The following DPRX variants were observed in gnomAD, a reference collection of about 807,000 sequenced individuals.
DPRX encodes the protein divergent-paired related homeobox.
A neutral mutation model predicts 8.4 loss-of-function variants in DPRX; 11 were observed. The ratio of observed to expected loss-of-function variants is 1.31; its 90% CI spans 0.82 to 2.17. The LOEUF is 2.17. Among genes scored for constraint, DPRX ranks in the 30% most tolerant of loss-of-function variants. DPRX has a pLI of 0.00. For synonymous variants in DPRX, 72 were observed against 87.0 expected, an observed-to-expected ratio of 0.83 and a Z score of 0.96; for missense variants, 211 against 236.7, an observed-to-expected ratio of 0.89 and a Z score of 0.71.
At chr19:53,636,727 C>T (rs2091114107) in exon 3 of DPRX, 1 of 1,614,166 alleles carries the variant, frequency 6.2e-7, no homozygotes, top group South Asian at 1.1e-5. Flanking sequence ...GAAATGCAGA[C>T]ACACTACCCA....
upstream of DPRX, chr19:53,629,582 A>T (rs1395675564): frequency 6.6e-6 from 1 of 151,010 alleles, no homozygotes; most frequent in African/African-American, 2.4e-5. Context: ...GAAAAGATAA[A>T]TCCAGAGAAA....
chr19:53,621,844 G>A, the DPRX span, among the ~76,000 whole-genome samples: 33 of 152,152 alleles, frequency 2.2e-4, no homozygotes, highest in East Asian at 5.8e-3. Flanking sequence ...TCTTAGGCAC[G>A]CATTTGTAGG....
chr19:53,629,880 G>A (rs1048826217), upstream of DPRX: 12 of 151,458 alleles, frequency 7.9e-5, no homozygotes, highest in African/African-American at 2.2e-4. Context: ...AAGAAGTGGG[G>A]AAATGGTCTA....
At chr19:53,633,749 C>T (rs757258245) in intron 1 of DPRX, among the ~76,000 whole-genome samples, 3 of 152,048 alleles carry the variant, frequency 2.0e-5, no homozygotes, top group Non-Finnish European at 2.9e-5. Flanking sequence ...ACCTCATGAT[C>T]CGCCCGCCTT....
chr19:53,605,584 C>T, the DPRX span, among the ~76,000 whole-genome samples: 1 of 152,030 alleles, frequency 6.6e-6, no homozygotes, highest in Non-Finnish European at 1.5e-5. Flanking sequence ...CTGCCTTGGC[C>T]TCCCAAAGTA....
the DPRX span, chr19:53,602,267 G>GGTGTGT: frequency 0.014 from 3,781 of 277,138 alleles, 34 homozygotes; most frequent in East Asian, 0.023. Flanking sequence ...TATGGGTATG[G>GGTGTGT]GTGTGTGTGT....
At chr19:53,602,391 C>T in the DPRX span, among the ~76,000 whole-genome samples, 1 of 149,766 alleles carries the variant, frequency 6.7e-6, no homozygotes, top group African/African-American at 2.5e-5. Flanking sequence ...TGCAGTTTCA[C>T]TCTTGTTGCC....
At chr19:53,601,186 C>T in the DPRX span, 11 of 451,042 alleles carry the variant, frequency 2.4e-5, no homozygotes, top group Non-Finnish European at 4.9e-5. Context: ...TAGCCTGAGA[C>T]AGCTATAGGG....
At chr19:53,620,545 G>A in the DPRX span, among the ~76,000 whole-genome samples, 1 of 151,154 alleles carries the variant, frequency 6.6e-6, no homozygotes, top group Admixed American at 6.6e-5. Flanking sequence ...TGCATTTTTT[G>A]GTAGAGATGG....
At chr19:53,633,635 G>T (rs910622930) in intron 1 of DPRX, among the ~76,000 whole-genome samples, 2 of 152,018 alleles carry the variant, frequency 1.3e-5, no homozygotes, top group Non-Finnish European at 2.9e-5. Flanking sequence ...TCAGCCTCCC[G>T]AGTAGCTGGG....
the DPRX span, among the ~76,000 whole-genome samples, chr19:53,612,471 C>T: frequency 6.6e-6 from 1 of 152,258 alleles, no homozygotes; most frequent in East Asian, 1.9e-4. Flanking sequence ...CTTTGGGAGG[C>T]CGAGGCAGGT....
chr19:53,604,423 A>G, the DPRX span: 56,647 of 152,062 alleles, frequency 0.37, 12,321 homozygotes, highest in African/African-American at 0.6. Context: ...GAACAGAAAA[A>G]GCCACCAAGG....
the DPRX span, among the ~76,000 whole-genome samples, chr19:53,613,513 A>G: frequency 6.7e-6 from 1 of 148,550 alleles, no homozygotes; most frequent in South Asian, 2.1e-4. Flanking sequence ...ATGCCCCGCT[A>G]ATTTTTTTTT....
At position 53,632,438 on chromosome 19, in the gene DPRX, T is replaced by C. The variant is rs539461678; in HGVS notation, c.28+304T>C. 6.4e-3 allele frequency among the ~76,000 whole-genome samples: 965 copies of C among 151,292 alleles called. 20 individuals are homozygous for C. The highest frequency in any genetic ancestry group is 0.023 in the African/African-American group (929 of 41,198). ...GCCTCAGCCTCCCGAGTAGCTGGGA[T>C]GACAGGCACACGCCACCACACCTGG... is the stretch of plus-strand genomic sequence containing the variant. On this transcript the variant is annotated intron_variant, in intron 1 of 2. Transcript: ENST00000376650.
chr19:53,617,376 T>G, the DPRX span: 1 of 453,082 alleles, frequency 2.2e-6, no homozygotes, highest in African/African-American at 2.0e-5. Flanking sequence ...CTGGGCAACA[T>G]GGTAAAACCC....
chr19:53,620,475 G>T, the DPRX span, among the ~76,000 whole-genome samples: 4,173 of 151,784 alleles, frequency 0.027, 181 homozygotes, highest in African/African-American at 0.09. Context: ...AGATTCTCCT[G>T]CCTCAGCCTC....
At chr19:53,636,640 C>T (rs1432574356) in exon 3 of DPRX, 1 of 1,613,802 alleles carries the variant, frequency 6.2e-7, no homozygotes, top group Admixed American at 1.7e-5. Flanking sequence ...AAGCGAAATG[C>T]AAGCATATTC....
chr19:53,636,977 CGA>C lies in DPRX; in HGVS notation c.572_573del (p.Arg191MetfsTer?). 2.5e-6 allele frequency: 4 copies of C among 1,598,178 alleles called. No homozygotes were observed. The highest frequency in any genetic ancestry group is 3.4e-6 in the Non-Finnish European group (4 of 1,170,076). On this transcript the variant is annotated frameshift_variant, in exon 3 of 3. Transcript: ENST00000376650. LOFTEE classifies it high-confidence loss of function. ...TCCTGCCTGTTCATCTAACCAAAGT[CGA>C]GAGAGATGATAAATACAAAAAGTCA...
At chr19:53,616,331 T>C in the DPRX span, among the ~76,000 whole-genome samples, 5 of 152,162 alleles carry the variant, frequency 3.3e-5, no homozygotes, top group African/African-American at 1.2e-4. Context: ...TTCTGTAAAC[T>C]TCATTGTTCT....
Sources: gnomAD v4.1 joint callset for allele counts (sites outside exome capture counted in the v4.1 genomes callset) on GRCh38, gnomAD v4.1.1 for gene constraint, MANE v1.5 for transcripts, NCBI Gene and HGNC (gene_info 2026-07-23, HGNC 2026-07-21) for gene names.